Variants in PDE3A observed in about 807,000 individuals in gnomAD.
PDE3A encodes phosphodiesterase 3A.
PDE3A carries 43 observed loss-of-function variants against 98.3 expected under a neutral mutation model. The observed-to-expected ratio is 0.44, with a 90% CI of 0.34 to 0.56. PDE3A has a LOEUF of 0.56. Among genes scored for constraint, PDE3A ranks in the 20% least tolerant of loss-of-function variants. The pLI is 0.01. For synonymous variants in PDE3A, 663 were observed against 567.9 expected (o/e 1.17, Z -2.38); for missense variants, 1,427 against 1,440.7 (o/e 0.99, Z 0.15).
rs974474157 is a variant in PDE3A at position 20,448,446 on chromosome 12, G to A, written c.960+78202G>A. Among the ~76,000 whole-genome samples the A allele has an allele frequency of 2.0e-5, 3 of 152,088 alleles. No individual in the cohort carries two copies. In the East Asian group the frequency reaches 5.8e-4, roughly 29 times the overall value. ...ACAAGAGCGAAACTCTGTCTCCAGG[G>A]GGAAATATTAGTGAAGAGGACAATA... On this transcript the variant is annotated intron_variant, in intron 1 of 15. Transcript: ENST00000359062.
intron 1 of PDE3A, among the ~76,000 whole-genome samples, chr12:20,384,223 C>T (rs1173931688): frequency 6.7e-6 from 1 of 148,766 alleles, no homozygotes; most frequent in African/African-American, 2.5e-5. Context: ...CTTCTGCCTA[C>T]ACCTTCCGGA....
chr12:20,401,322 T>A (rs552688467), intron 1 of PDE3A, among the ~76,000 whole-genome samples: 1 of 152,344 alleles, frequency 6.6e-6, no homozygotes, highest in South Asian at 2.1e-4. Flanking sequence ...AATGTTAATA[T>A]TTAATCATGT....
intron 1 of PDE3A, among the ~76,000 whole-genome samples, chr12:20,482,527 CAT>C (rs1194542502): frequency 6.6e-6 from 1 of 152,202 alleles, no homozygotes; most frequent in Non-Finnish European, 1.5e-5. Context: ...CCCAGCTATA[CAT>C]AATCAAGCTG....
In PDE3A at chr12:20,660,073, C is replaced by T. The variant is rs540917388; in HGVS notation, c.3184+5868C>T. Among the ~76,000 whole-genome samples the T allele has an allele frequency of 4.0e-4, 60 of 151,886 alleles. 1 individual carries two copies. The highest frequency in any genetic ancestry group is 6.9e-3 in the Middle Eastern group (2 of 290). On this transcript the variant is annotated intron_variant, in intron 15 of 15. Transcript: ENST00000359062. ...TGGGAGGGACCTGGTGGGAGGTAAT[C>T]GAATCATAAGGGGAGTTACCCCCAT...
chr12:20,612,882 C>G (rs1403143340), intron 2 of PDE3A, among the ~76,000 whole-genome samples: 1 of 151,720 alleles, frequency 6.6e-6, no homozygotes, highest in Non-Finnish European at 1.5e-5. Context: ...ACTGAAATTT[C>G]TATTCCAACC....
In PDE3A at chr12:20,631,640, G is replaced by A. The variant is rs1944378543; in HGVS notation, c.1760+1513G>A. On this transcript the variant is annotated intron_variant, in intron 6 of 15. Coordinates refer to ENST00000359062, the MANE Select transcript of PDE3A (RefSeq NM_000921.5). ...ACTTTTGGGAAATAAGTCCCCTAAA[G>A]AAAGGAGAGAGATGTTCAGAAAAGC... is the stretch of plus-strand genomic sequence containing the variant. Among the ~76,000 whole-genome samples, 6 of 151,342 alleles carry A rather than the reference G, an allele frequency of 4.0e-5. No individual in the cohort carries two copies. In the South Asian group the frequency reaches 1.3e-3, roughly 32 times the overall value.
intron 1 of PDE3A, among the ~76,000 whole-genome samples, chr12:20,436,350 A>C (rs1944779120): frequency 6.6e-6 from 1 of 152,182 alleles, no homozygotes; most frequent in East Asian, 1.9e-4. Context: ...CAAAACAAAA[A>C]AAACTATGCT....
chr12:20,519,862 G>A (rs1946390733), intron 1 of PDE3A, among the ~76,000 whole-genome samples: 1 of 152,132 alleles, frequency 6.6e-6, no homozygotes, highest in Admixed American at 6.5e-5. Flanking sequence ...GGAGCTAGCA[G>A]AGGGGTGGTG....
rs560682835 is a variant in PDE3A, at chr12:20,556,973, G to A, written c.1011+263G>A. ...ATAGATTTTATATTCATCTTGTCTC[G>A]GCAGAATACATTTTGATCAGCAACC... On this transcript the variant is annotated intron_variant, in intron 2 of 15. Transcript: ENST00000359062. 1.5e-4 allele frequency: 62 copies of A among 424,478 alleles called. 1 individual carries two copies. In the South Asian group the frequency reaches 2.0e-3, roughly 14 times the overall value. 26.3% of individuals were successfully genotyped at this position (424,478 alleles called of 1,614,324 possible).
intron 1 of PDE3A, among the ~76,000 whole-genome samples, chr12:20,391,691 C>G (rs1943918280): frequency 6.6e-6 from 1 of 151,620 alleles, no homozygotes; most frequent in Non-Finnish European, 1.5e-5. Flanking sequence ...TTATGAAATG[C>G]CTAACAAGTG....
chr12:20,523,705 G>T (rs535137137), intron 1 of PDE3A, among the ~76,000 whole-genome samples: 1 of 152,246 alleles, frequency 6.6e-6, no homozygotes, highest in African/African-American at 2.4e-5. Context: ...TTCTTAACGG[G>T]TGTGTGATTC....
chr12:20,635,704 G>T (rs888824951), intron 8 of PDE3A, among the ~76,000 whole-genome samples: 1 of 143,638 alleles, frequency 7.0e-6, no homozygotes, highest in African/African-American at 2.6e-5. Flanking sequence ...AGTGAGCTGA[G>T]ATCATGCCAC....
At chr12:20,653,356 A>T (rs1393854641) in intron 14 of PDE3A, among the ~76,000 whole-genome samples, 1 of 151,706 alleles carries the variant, frequency 6.6e-6, no homozygotes, top group Non-Finnish European at 1.5e-5. Flanking sequence ...TTTTAAAAAA[A>T]TTGTTCTCAC....
chr12:20,661,242 A>G (rs1945163357), intron 15 of PDE3A, among the ~76,000 whole-genome samples: 1 of 152,188 alleles, frequency 6.6e-6, no homozygotes, highest in Admixed American at 6.5e-5. Flanking sequence ...GAAATTTCTA[A>G]GCAGCAAAGC....
At chr12:20,502,139 CAGTT>C (rs1408471984) in intron 1 of PDE3A, among the ~76,000 whole-genome samples, 12 of 152,096 alleles carry the variant, frequency 7.9e-5, no homozygotes, top group African/African-American at 2.4e-4. Flanking sequence ...ATTACTGTAT[CAGTT>C]AGGTACTTCC....
At position 20,495,814 on chromosome 12, in the gene PDE3A, T is replaced by C. The variant is rs189555009; in HGVS notation, c.961-60846T>C. Among the ~76,000 whole-genome samples the C allele has an allele frequency of 3.3e-5, 5 of 152,308 alleles. No homozygotes were observed. The East Asian group carries it at 9.7e-4, about 29-fold the overall frequency. ...GCTTTTTAAGAAGGTTGTACCAATT[T>C]ACACTCCCACTAGCAATGTAGGAGA... On this transcript the variant is annotated intron_variant, in intron 1 of 15. Transcript: ENST00000359062.
intron 1 of PDE3A, among the ~76,000 whole-genome samples, chr12:20,448,374 G>A (rs1305276949): frequency 6.6e-6 from 1 of 152,136 alleles, no homozygotes; most frequent in African/African-American, 2.4e-5. Context: ...CCGGGAGGCG[G>A]CAGTTGCTGT....
Position 20,646,914 on chromosome 12 carries a change from G to A in PDE3A, c.2529G>A (p.Arg843=). 2 of 1,613,998 alleles carry A rather than the reference G, an allele frequency of 1.2e-6. No individual in the cohort carries two copies. The highest frequency in any genetic ancestry group is 2.2e-5 in the East Asian group (1 of 44,868). Residue 843 remains arginine, a synonymous_variant, in exon 12 of 16, where the codon AGG becomes AGA. Transcript: ENST00000359062. The part of the protein sequence containing the change: ...AAMHDYDHPG[R]TNAFLVATSA... ...TGCACGATTATGATCATCCAGGAAG[G>A]ACTAATGCTTTCCTGGTTGCAACTA... is the stretch of plus-strand genomic sequence containing the variant.
intron 1 of PDE3A, among the ~76,000 whole-genome samples, chr12:20,525,018 G>C (rs559830824): frequency 6.6e-6 from 1 of 152,272 alleles, no homozygotes; most frequent in Non-Finnish European, 1.5e-5. Context: ...TGTAATCTCA[G>C]CTACTTGGGA....
Sources: gnomAD v4.1 joint callset for allele counts (sites outside exome capture counted in the v4.1 genomes callset) on GRCh38, gnomAD v4.1.1 for gene constraint, MANE v1.5 for transcripts, NCBI Gene and HGNC (gene_info 2026-07-23, HGNC 2026-07-21) for gene names.